Variants in OXR1 observed in about 807,000 individuals in gnomAD.
The protein encoded by OXR1 is oxidation resistance protein 1.
In OXR1, 41 loss-of-function variants were observed where a neutral mutation model predicts 104.6. The observed-to-expected ratio is 0.39, with a 90% CI of 0.31 to 0.51. OXR1 has a LOEUF of 0.51. OXR1 is among the 20% of genes least tolerant of loss of function. The pLI is 0.77. For synonymous variants in OXR1, 348 were observed against 348.4 expected (o/e 1.00, Z 0.01); for missense variants, 955 against 1,031.9 (o/e 0.93, Z 1.02).
rs976726531 is a variant in OXR1, at chr8:106,492,754, C to A, written c.24-26189C>A. ...AGGTCTTTGGGATAAGAAGCTATGC[C>A]TCATACACCTTAAACTCTCAGGCCA... is the stretch of plus-strand genomic sequence containing the variant. On this transcript the variant is annotated intron_variant, in intron 2 of 16. Coordinates refer to ENST00000517566, the MANE Select transcript of OXR1 (RefSeq NM_001198533.2). Among the ~76,000 whole-genome samples, 11 of 152,238 alleles carry A rather than the reference C, an allele frequency of 7.2e-5. No individual in the cohort carries two copies. The South Asian group carries it at 1.7e-3, about 23-fold the overall frequency.
At chr8:106,415,306 T>C (rs1301443450) in intron 2 of OXR1, among the ~76,000 whole-genome samples, 1 of 152,148 alleles carries the variant, frequency 6.6e-6, no homozygotes, top group Non-Finnish European at 1.5e-5. Flanking sequence ...CCATTTTTTA[T>C]TGGTATTAAT....
intron 2 of OXR1, among the ~76,000 whole-genome samples, chr8:106,370,673 G>A (rs1215988363): frequency 6.6e-6 from 1 of 152,024 alleles, no homozygotes; most frequent in Non-Finnish European, 1.5e-5. Context: ...TTTTGTCTTT[G>A]GTTCTGTTTA....
At chr8:106,288,695 TTATATATTTATATATTA>T (rs72317368) in intron 1 of OXR1, among the ~76,000 whole-genome samples, 12,736 of 147,156 alleles carry the variant, frequency 0.087, 638 homozygotes, top group African/African-American at 0.13. Context: ...ATATACAAAT[TTATATATTTATATATTA>T]TATATATTTA....
intron 2 of OXR1, among the ~76,000 whole-genome samples, chr8:106,396,129 A>G (rs1286429427): frequency 6.6e-6 from 1 of 152,084 alleles, no homozygotes; most frequent in Non-Finnish European, 1.5e-5. Context: ...ATAGAGGGAG[A>G]ACAGATAAAT....
chr8:106,714,757 A>C (rs1832065514), intron 11 of OXR1, among the ~76,000 whole-genome samples: 1 of 152,106 alleles, frequency 6.6e-6, no homozygotes, highest in African/African-American at 2.4e-5. Context: ...AATAAATGTA[A>C]TCAAATTTTT....
chr8:106,748,457 A>G (rs967619906), intron 16 of OXR1, among the ~76,000 whole-genome samples: 2 of 151,200 alleles, frequency 1.3e-5, no homozygotes, highest in Non-Finnish European at 2.9e-5. Flanking sequence ...TTGTACTGTC[A>G]ACTCTCTTCT....
At chr8:106,704,393 CTTTTTTTTTTTTT>C (rs71307084) in intron 8 of OXR1, among the ~76,000 whole-genome samples, 26 of 47,892 alleles carry the variant, frequency 5.4e-4, no homozygotes, top group East Asian at 6.3e-4. Context: ...CTTTCTTCTT[CTTTTTTTTTTTTT>C]TTTTTTTTTT....
intron 2 of OXR1, among the ~76,000 whole-genome samples, chr8:106,460,657 A>G (rs1472405609): frequency 6.6e-6 from 1 of 152,164 alleles, no homozygotes; most frequent in African/African-American, 2.4e-5. Context: ...GTTAATAAGC[A>G]TTCATCTGAT....
chr8:106,633,912 A>G (rs563341609), intron 3 of OXR1, among the ~76,000 whole-genome samples: 37 of 152,336 alleles, frequency 2.4e-4, no homozygotes, highest in African/African-American at 6.3e-4. Flanking sequence ...AGGAAATATC[A>G]GAGGTCCCAT....
intron 3 of OXR1, among the ~76,000 whole-genome samples, chr8:106,519,699 G>T (rs1225387867): frequency 6.6e-6 from 1 of 152,162 alleles, no homozygotes; most frequent in Non-Finnish European, 1.5e-5. Flanking sequence ...TGGAAAAATT[G>T]AATGACATCC....
intron 10 of OXR1, among the ~76,000 whole-genome samples, chr8:106,712,689 A>G (rs1831824413): frequency 6.6e-6 from 1 of 152,046 alleles, no homozygotes; most frequent in African/African-American, 2.4e-5. Context: ...TCCACCATAT[A>G]TAGAGTAAGT....
chr8:106,484,328 A>G (rs1363681383), intron 2 of OXR1, among the ~76,000 whole-genome samples: 2 of 152,102 alleles, frequency 1.3e-5, no homozygotes, highest in African/African-American at 4.8e-5. Context: ...GAAATGATAA[A>G]TGCTTGAGGT....
Position 106,750,763 on chromosome 8 carries a change from CTT to C in OXR1, c.2487-42_2487-41del, listed in dbSNP as rs745863243. On this transcript the variant is annotated intron_variant, in intron 16 of 16. Coordinates refer to ENST00000517566, the MANE Select transcript of OXR1 (RefSeq NM_001198533.2). ...AAGTCTCATTTAAATTGTTTTATAA[CTT>C]AAGGCATAAATATTAACAGATTATT... The C allele has an allele frequency of 1.2e-5, 17 of 1,424,666 alleles. No homozygotes were observed. The Admixed American group carries it at 1.3e-4, about 11-fold the overall frequency. 88.3% of individuals were successfully genotyped at this position (1,424,666 alleles called of 1,614,324 possible). A position where few individuals can be genotyped will look rare whatever the true frequency, so the allele number is the denominator to read the frequency against.
intron 3 of OXR1, among the ~76,000 whole-genome samples, chr8:106,587,986 C>A (rs1818776458): frequency 6.6e-6 from 1 of 151,236 alleles, no homozygotes; most frequent in African/African-American, 2.4e-5. Context: ...GAGTCTCGCT[C>A]TGTCACCCAG....
intron 2 of OXR1, among the ~76,000 whole-genome samples, chr8:106,414,349 G>T (rs1818583987): frequency 6.6e-6 from 1 of 151,992 alleles, no homozygotes; most frequent in Non-Finnish European, 1.5e-5. Flanking sequence ...GAGAGGGAAG[G>T]GACCATGTTG....
intron 6 of OXR1, among the ~76,000 whole-genome samples, 161 bp downstream of exon 6, chr8:106,684,520 T>C (rs1033542502): frequency 7.2e-5 from 11 of 152,236 alleles, no homozygotes; most frequent in Non-Finnish European, 1.0e-4. Context: ...AAATAAGACA[T>C]TCTTATGAAA....
At chr8:106,363,094 T>C (rs1311069678) in intron 2 of OXR1, among the ~76,000 whole-genome samples, 1 of 152,216 alleles carries the variant, frequency 6.6e-6, no homozygotes, top group East Asian at 1.9e-4. Context: ...GAGCCATGTA[T>C]GGGAGAAAGA....
intron 2 of OXR1, among the ~76,000 whole-genome samples, chr8:106,384,874 C>A (rs1670480918): frequency 1.3e-5 from 2 of 151,756 alleles, no homozygotes; most frequent in African/African-American, 4.8e-5. Context: ...ACCACCAAGT[C>A]CAGCTAATTT....
intron 2 of OXR1, among the ~76,000 whole-genome samples, chr8:106,460,243 A>G (rs1424141032): frequency 2.0e-5 from 3 of 152,182 alleles, no homozygotes; most frequent in Non-Finnish European, 4.4e-5. Context: ...TTACACCTAG[A>G]AATATCTGTA....
Sources: gnomAD v4.1 joint callset for allele counts (sites outside exome capture counted in the v4.1 genomes callset) on GRCh38, gnomAD v4.1.1 for gene constraint, MANE v1.5 for transcripts, NCBI Gene and HGNC (gene_info 2026-07-23, HGNC 2026-07-21) for gene names.